The following NKAIN3 variants were observed in gnomAD, a reference collection of about 807,000 sequenced individuals.
NKAIN3 encodes sodium/potassium transporting ATPase interacting 3.
A neutral mutation model predicts 30.2 loss-of-function variants in NKAIN3; 25 were observed. The observed-to-expected ratio is 0.83, with a 90% CI of 0.60 to 1.16. The LOEUF is 1.16. Ranked by LOEUF, NKAIN3 falls within the 50% of genes most tolerant of loss-of-function variation. The probability of loss-of-function intolerance (pLI) is 0.00; values close to 1 mark genes in which losing one functional copy is unlikely to be tolerated. For missense variants in NKAIN3, 225 were observed against 254.1 expected (o/e 0.89, Z 0.78); for synonymous variants, 91 against 89.6 (o/e 1.02, Z -0.09).
At chr8:62,379,924 A>T (rs1372298312) in intron 1 of NKAIN3, among the ~76,000 whole-genome samples, 1 of 152,186 alleles carries the variant, frequency 6.6e-6, no homozygotes, top group Non-Finnish European at 1.5e-5. Flanking sequence ...GAGGATACAG[A>T]GGCTCAGGCA....
intron 4 of NKAIN3, among the ~76,000 whole-genome samples, chr8:62,808,088 T>C (rs1319661973): frequency 6.6e-6 from 1 of 152,182 alleles, no homozygotes; most frequent in Admixed American, 6.6e-5. Flanking sequence ...ATTTTTCATG[T>C]TAATTTTGTC....
chr8:62,857,815 T>C (rs995404367), intron 4 of NKAIN3, among the ~76,000 whole-genome samples: 16 of 152,224 alleles, frequency 1.1e-4, no homozygotes, highest in Non-Finnish European at 2.4e-4. Flanking sequence ...TTCATTTTTA[T>C]CCACATTCTG....
At chr8:62,687,352 G>A (rs538600838) in intron 3 of NKAIN3, among the ~76,000 whole-genome samples, 20 of 152,260 alleles carry the variant, frequency 1.3e-4, no homozygotes, top group East Asian at 5.8e-4. Context: ...CACTATTCTC[G>A]TCCCTTCAGG....
intron 4 of NKAIN3, among the ~76,000 whole-genome samples, chr8:62,799,657 A>G (rs939733714): frequency 2.6e-5 from 4 of 152,232 alleles, no homozygotes; most frequent in Non-Finnish European, 5.9e-5. Flanking sequence ...AAGAACTAAA[A>G]GTAAATCTAC....
chr8:62,304,832 T>C (rs1350008093), intron 1 of NKAIN3, among the ~76,000 whole-genome samples: 1 of 150,218 alleles, frequency 6.7e-6, no homozygotes, highest in Admixed American at 6.6e-5. Flanking sequence ...ATGACGTTCA[T>C]AGGCCAGCAG....
Position 62,975,431 on chromosome 8 carries a change from AT to A in NKAIN3, c.*10030del, listed in dbSNP as rs1823920546. Among the ~76,000 whole-genome samples, 1 of 152,006 alleles carries A rather than the reference AT, an allele frequency of 6.6e-6. No homozygotes were observed. The highest frequency in any genetic ancestry group is 2.4e-5 in the African/African-American group (1 of 41,394). Reference sequence around the variant, plus strand: ...CCAGGAATTTATCCATTTCTTCTAAATTTTTTAGTTTATTTGGATAGAGTTG... The same window carrying A: ...CCAGGAATTTATCCATTTCTTCTAAATTTTTAGTTTATTTGGATAGAGTTG... On this transcript the variant is annotated 3_prime_UTR_variant, in exon 7 of 7. Coordinates refer to ENST00000623646, the MANE Select transcript of NKAIN3 (RefSeq NM_001304533.3).
At chr8:62,605,687 A>T (rs1030016981) in intron 3 of NKAIN3, among the ~76,000 whole-genome samples, 3 of 152,102 alleles carry the variant, frequency 2.0e-5, no homozygotes, top group Non-Finnish European at 4.4e-5. Flanking sequence ...TTTACACTAT[A>T]TTAAGTATTA....
At chr8:62,884,851 G>A (rs1333714339) in intron 4 of NKAIN3, among the ~76,000 whole-genome samples, 2 of 151,768 alleles carry the variant, frequency 1.3e-5, no homozygotes, top group African/African-American at 2.4e-5. Context: ...TTAGTAATTT[G>A]TGTCTTCTCC....
At chr8:62,423,317 C>T (rs180888223) in intron 1 of NKAIN3, among the ~76,000 whole-genome samples, 109 of 151,950 alleles carry the variant, frequency 7.2e-4, no homozygotes, top group African/African-American at 2.4e-3. Context: ...GATTTACCAC[C>T]TAATAAACTC....
chr8:62,441,038 G>T (rs559931739), intron 1 of NKAIN3, among the ~76,000 whole-genome samples: 7 of 151,928 alleles, frequency 4.6e-5, no homozygotes, highest in Middle Eastern at 3.4e-3. Flanking sequence ...ATTCACCTTG[G>T]TTTTTTGTTT....
At chr8:62,616,740 C>T (rs1184475321) in intron 3 of NKAIN3, among the ~76,000 whole-genome samples, 1 of 152,132 alleles carries the variant, frequency 6.6e-6, no homozygotes, top group African/African-American at 2.4e-5. Flanking sequence ...AAGTTCCAAC[C>T]CTCTAATCAT....
At chr8:62,935,024 C>T (rs905399061) in intron 5 of NKAIN3, among the ~76,000 whole-genome samples, 3 of 152,080 alleles carry the variant, frequency 2.0e-5, no homozygotes, top group African/African-American at 7.3e-5. Context: ...CTTTTCTTTC[C>T]TAAGAGACCT....
At chr8:62,340,802 G>T (rs753862618) in intron 1 of NKAIN3, among the ~76,000 whole-genome samples, 5 of 151,976 alleles carry the variant, frequency 3.3e-5, no homozygotes, top group African/African-American at 9.7e-5. Flanking sequence ...GGCTACGCAG[G>T]CTTCCCACAG....
intron 4 of NKAIN3, among the ~76,000 whole-genome samples, chr8:62,808,799 T>C (rs1818388921): frequency 6.6e-6 from 1 of 152,124 alleles, no homozygotes; most frequent in South Asian, 2.1e-4. Flanking sequence ...TGAAGTTTCA[T>C]GTCCCACTGG....
chr8:62,485,555 A>G (rs956097437), intron 1 of NKAIN3, among the ~76,000 whole-genome samples: 2 of 152,136 alleles, frequency 1.3e-5, no homozygotes, highest in African/African-American at 4.8e-5. Flanking sequence ...GCGGCTTTTT[A>G]TTTTATGCCA....
At chr8:62,804,153 G>C (rs1818184210) in intron 4 of NKAIN3, among the ~76,000 whole-genome samples, 3 of 152,318 alleles carry the variant, frequency 2.0e-5, no homozygotes, top group African/African-American at 7.2e-5. Flanking sequence ...TCCAGGACCA[G>C]ATGGATTCAC....
At chr8:62,856,338 C>T in intron 4 of NKAIN3, 1 of 918,616 alleles carries the variant, frequency 1.1e-6, no homozygotes, top group South Asian at 1.3e-5. Context: ...CTTTAACCTG[C>T]TTAGTGCTTG....
chr8:62,264,007 C>T (rs1812531785), intron 1 of NKAIN3, among the ~76,000 whole-genome samples: 1 of 152,024 alleles, frequency 6.6e-6, no homozygotes, highest in African/African-American at 2.4e-5. Flanking sequence ...AGGCTAATTG[C>T]TAAATATATG....
intron 3 of NKAIN3, among the ~76,000 whole-genome samples, chr8:62,646,110 A>G (rs995481277): frequency 4.0e-5 from 6 of 151,372 alleles, no homozygotes; most frequent in Non-Finnish European, 8.8e-5. Context: ...AATGGCCTAA[A>G]AATCAAATGG....
Sources: gnomAD v4.1 joint callset for allele counts (sites outside exome capture counted in the v4.1 genomes callset) on GRCh38, gnomAD v4.1.1 for gene constraint, MANE v1.5 for transcripts, NCBI Gene and HGNC (gene_info 2026-07-23, HGNC 2026-07-21) for gene names.